Variants in PLIN2 observed in about 807,000 individuals in gnomAD.
The protein encoded by PLIN2 is perilipin-2.
In PLIN2, 33 loss-of-function variants were observed where a neutral mutation model predicts 30.6. That is an observed-to-expected ratio of 1.08 (90% CI 0.82 to 1.44). The LOEUF (loss-of-function observed/expected upper bound fraction) is 1.44. Ranked by LOEUF, PLIN2 falls within the 40% of genes most tolerant of loss-of-function variation. The pLI is 0.00. For missense variants in PLIN2, 610 were observed against 531.8 expected (o/e 1.15, Z -1.45); for synonymous variants, 205 against 201.1 (o/e 1.02, Z -0.16).
chr9:19,119,851 A>C lies in PLIN2; in HGVS notation c.596-20T>G. 1 of 1,529,702 alleles carries C rather than the reference A, an allele frequency of 6.5e-7. No individual in the cohort carries two copies. The highest frequency in any genetic ancestry group is 2.3e-5 in the East Asian group (1 of 43,882). 94.8% of individuals were successfully genotyped at this position (1,529,702 alleles called of 1,614,324 possible). A position where few individuals can be genotyped will look rare whatever the true frequency, so the allele number is the denominator to read the frequency against. ...CTTTTTCTGAAGTTAGAAATAAGAG[A>C]CAAAAAAACTTAAGGGATCACAGTG... is the stretch of plus-strand genomic sequence containing the variant. On this transcript the variant is annotated intron_variant, in intron 5 of 7. Coordinates refer to ENST00000276914, the MANE Select transcript of PLIN2 (RefSeq NM_001122.4).
intron 7 of PLIN2, among the ~76,000 whole-genome samples, 156 bp downstream of exon 7, chr9:19,118,165 T>A (rs1253718105): frequency 6.6e-6 from 1 of 152,246 alleles, no homozygotes; most frequent in Non-Finnish European, 1.5e-5. Flanking sequence ...TGCCTAGTTT[T>A]GCTTTTCTGC....
downstream of PLIN2, among the ~76,000 whole-genome samples, chr9:19,113,333 CA>C (rs577540767): frequency 0.043 from 6,061 of 139,468 alleles, 172 homozygotes; most frequent in Non-Finnish European, 0.06. Context: ...GACTCTGCCT[CA>C]AAAAAAAAAA....
intron 3 of PLIN2, among the ~76,000 whole-genome samples, chr9:19,125,316 G>A (rs1171401902): frequency 6.6e-6 from 1 of 152,196 alleles, no homozygotes; most frequent in African/African-American, 2.4e-5. Context: ...ACTTTGGGAG[G>A]CCGAGGCGGG....
At chr9:19,108,967 A>C (rs1438873117) in intron 2 of PLIN2, among the ~76,000 whole-genome samples, 2 of 152,238 alleles carry the variant, frequency 1.3e-5, no homozygotes, top group East Asian at 3.8e-4. Flanking sequence ...GGTGGAACCT[A>C]GTCAATGAAG....
chr9:19,126,417 C>T lies in PLIN2; in HGVS notation c.10G>A (p.Val4Ile), dbSNP rs748729180. 49 of 1,612,784 alleles carry T rather than the reference C, an allele frequency of 3.0e-5. No homozygotes were observed. In the Admixed American group the frequency reaches 3.2e-4, roughly 10 times the overall value. Reference protein sequence around the residue: MASVAVDPQPSVVT... With the variant: MASIAVDPQPSVVT... ...CATACCGGTTGTGGATCAACTGCAA[C>T]GGATGCCATTTTTCTTCCTGGAGAA... Residue 4 changes from valine (V) to isoleucine (I), a missense_variant, in exon 2 of 8, where the codon GTT becomes ATT. Transcript: ENST00000276914.
chr9:19,120,653 T>C (rs1193885558), intron 5 of PLIN2, among the ~76,000 whole-genome samples: 2 of 152,088 alleles, frequency 1.3e-5, no homozygotes, highest in African/African-American at 4.8e-5. Flanking sequence ...GAGATCAGCC[T>C]GGGCAACATA....
At position 19,117,594 on chromosome 9, in the gene PLIN2, G is replaced by C. The variant is rs146859942; in HGVS notation, c.912+727C>G. On this transcript the variant is annotated intron_variant, in intron 7 of 7. Transcript: ENST00000276914. ...ACTCAACTACCCCCACTCCAAGGCTGCCTGAGATAGTCTTCCCATATGTTT... is the reference window on the plus strand; with the variant it reads ...ACTCAACTACCCCCACTCCAAGGCTCCCTGAGATAGTCTTCCCATATGTTT... Among the ~76,000 whole-genome samples the C allele has an allele frequency of 2.4e-3, 367 of 150,914 alleles. 3 individuals carry two copies. The highest frequency in any genetic ancestry group is 8.6e-3 in the African/African-American group (353 of 41,132).
At chr9:19,117,118 C>G (rs1818240147) in intron 7 of PLIN2, among the ~76,000 whole-genome samples, 1 of 152,034 alleles carries the variant, frequency 6.6e-6, no homozygotes, top group Non-Finnish European at 1.5e-5. Flanking sequence ...TCCTTCCTCC[C>G]TGCTTCCCTT....
At chr9:19,124,981 CCA>C (rs940403746) in intron 3 of PLIN2, among the ~76,000 whole-genome samples, 1 of 151,982 alleles carries the variant, frequency 6.6e-6, no homozygotes, top group African/African-American at 2.4e-5. Context: ...ACAAAAAAAC[CCA>C]CACATTTTAT....
At chr9:19,118,274 TAAG>T in intron 7 of PLIN2, 44 bp downstream of exon 7, 1 of 1,535,218 alleles carries the variant, frequency 6.5e-7, no homozygotes, top group Non-Finnish European at 8.8e-7. Context: ...AAAAGTCTGA[TAAG>T]AACTTCTTCA....
At chr9:19,124,546 G>A (rs1818367580) in intron 3 of PLIN2, among the ~76,000 whole-genome samples, 1 of 152,114 alleles carries the variant, frequency 6.6e-6, no homozygotes, top group African/African-American at 2.4e-5. Flanking sequence ...AAAAGTCCCT[G>A]GCTTAACCAT....
intron 3 of PLIN2, 101 bp downstream of exon 3, chr9:19,126,013 G>A: frequency 1.1e-6 from 1 of 877,372 alleles, no homozygotes. Flanking sequence ...GGCAGTGTAT[G>A]CCCCAGGAAG....
chr9:19,125,286 C>T (rs1818377964), intron 3 of PLIN2, among the ~76,000 whole-genome samples: 1 of 152,194 alleles, frequency 6.6e-6, no homozygotes, highest in Admixed American at 6.5e-5. Flanking sequence ...GGCATGGTGG[C>T]TCACACCTGT....
Position 19,121,038 on chromosome 9 carries a change from G to A in PLIN2, c.437C>T (p.Thr146Ile), listed in dbSNP as rs184912985. The change falls in exon 5 of 8, where the codon ACT becomes ATT. Residue 146 changes from threonine (T) to isoleucine (I), a missense_variant. By Grantham distance (89) the Thr-to-Ile change is moderately conservative (BLOSUM62 -1). Transcript: ENST00000276914. ...AGACTTGGTCTTCTCCACACTGCCA[G>A]TCACTGCCCCTTTGGTCTTGTCCAT... The part of the protein sequence containing the change: ...GVMDKTKGAV[T>I]GSVEKTKSVV... 3 of 1,614,174 alleles carry A rather than the reference G, an allele frequency of 1.9e-6. No homozygotes were observed. Among genetic ancestry groups the A allele is most frequent in the African/African-American group, 2.7e-5 (2 of 75,046 alleles).
At chr9:19,116,778 T>C (rs1818234977) in intron 7 of PLIN2, 129 bp from the exon 8 acceptor site, 1 of 692,728 alleles carries the variant, frequency 1.4e-6, no homozygotes, top group Non-Finnish European at 2.4e-6. Flanking sequence ...CTCATTACAA[T>C]GCCGAGTGCA....
chr9:19,113,396 G>C (rs1818181536), downstream of PLIN2, among the ~76,000 whole-genome samples: 1 of 151,948 alleles, frequency 6.6e-6, no homozygotes, highest in Non-Finnish European at 1.5e-5. Context: ...AGGAAGGCAA[G>C]TGAGTGACTA....
intron 7 of PLIN2, among the ~76,000 whole-genome samples, chr9:19,117,180 A>G (rs1000068963): frequency 6.7e-6 from 1 of 149,828 alleles, no homozygotes; most frequent in African/African-American, 2.5e-5. Flanking sequence ...TTTCTTTCTG[A>G]GACAGGGTCT....
chr9:19,115,392 C>A (rs932203701), downstream of PLIN2, among the ~76,000 whole-genome samples: 6 of 151,386 alleles, frequency 4.0e-5, no homozygotes, highest in Non-Finnish European at 5.9e-5. Context: ...ACTGCAAGCT[C>A]TGCCTCCCGG....
At chr9:19,126,347 T>C in intron 2 of PLIN2, 38 bp from the exon 3 acceptor site, 4 of 1,613,586 alleles carry the variant, frequency 2.5e-6, no homozygotes, top group Non-Finnish European at 3.4e-6. Flanking sequence ...TATTAATCTC[T>C]CAAAACACAA....
Sources: gnomAD v4.1 joint callset for allele counts (sites outside exome capture counted in the v4.1 genomes callset) on GRCh38, gnomAD v4.1.1 for gene constraint, MANE v1.5 for transcripts, NCBI Gene and HGNC (gene_info 2026-07-23, HGNC 2026-07-21) for gene names.